Variants in CHN2 observed in about 807,000 individuals in gnomAD.
The protein encoded by CHN2 is beta-chimaerin.
In CHN2, 35 loss-of-function variants were observed where a neutral mutation model predicts 56.3. The observed-to-expected ratio is 0.62, with a 90% confidence interval of 0.47 to 0.82. The LOEUF is 0.82. Ranked by LOEUF, CHN2 falls within the 40% of genes least tolerant of loss-of-function variation. The pLI, the probability that CHN2 is intolerant of heterozygous loss-of-function variation, is 0.00. For synonymous variants in CHN2, 210 were observed against 212.8 expected (o/e 0.99, Z 0.12); for missense variants, 491 against 580.5 (o/e 0.85, Z 1.58).
chr7:29,273,363 A>ATATATATGTG (rs1168370251), intron 1 of CHN2, among the ~76,000 whole-genome samples: 4 of 69,856 alleles, frequency 5.7e-5, no homozygotes, highest in Non-Finnish European at 7.9e-5. Context: ...ATATATATAT[A>ATATATATGTG]TATATATATA....
intron 2 of CHN2, chr7:29,184,527 G>A (rs941315640): frequency 2.6e-5 from 4 of 152,150 alleles, no homozygotes; most frequent in African/African-American, 7.2e-5. Context: ...ACCCCAGGAA[G>A]AGCCAATGTT....
intron 6 of CHN2, among the ~76,000 whole-genome samples, chr7:29,446,860 T>G (rs1175066758): frequency 6.6e-6 from 1 of 152,182 alleles, no homozygotes; most frequent in East Asian, 1.9e-4. Flanking sequence ...GAAAGTCTTA[T>G]CATTCATGGG....
chr7:29,249,380 A>G (rs916237774), intron 1 of CHN2, among the ~76,000 whole-genome samples: 2 of 152,116 alleles, frequency 1.3e-5, no homozygotes, highest in African/African-American at 4.8e-5. Context: ...AGATGGACAC[A>G]TTCACCTTTT....
chr7:29,494,493 A>AAT (rs1316110361), intron 7 of CHN2, among the ~76,000 whole-genome samples: 2 of 152,122 alleles, frequency 1.3e-5, no homozygotes, highest in Non-Finnish European at 2.9e-5. Flanking sequence ...TAGGCCTCTA[A>AAT]GTGAATTATG....
intron 1 of CHN2, among the ~76,000 whole-genome samples, chr7:29,323,658 G>A (rs1047196107): frequency 6.6e-6 from 1 of 152,084 alleles, no homozygotes; most frequent in African/African-American, 2.4e-5. Context: ...GGGGAAGGGT[G>A]GGGTGGCTGG....
intron 1 of CHN2, among the ~76,000 whole-genome samples, chr7:29,249,143 A>G (rs1363617200): frequency 1.3e-5 from 2 of 152,122 alleles, no homozygotes; most frequent in Admixed American, 6.5e-5. Flanking sequence ...GAGAAGCCCC[A>G]TGACAGCCCA....
At chr7:29,370,374 G>A (rs1283512340) in intron 3 of CHN2, among the ~76,000 whole-genome samples, 2 of 152,156 alleles carry the variant, frequency 1.3e-5, no homozygotes, top group African/African-American at 2.4e-5. Flanking sequence ...TTGTGGCCAG[G>A]GAGATTGAAG....
At chr7:29,495,023 A>G (rs1184246978) in intron 7 of CHN2, among the ~76,000 whole-genome samples, 1 of 149,100 alleles carries the variant, frequency 6.7e-6, no homozygotes, top group East Asian at 2.0e-4. Context: ...ATGACTTTGA[A>G]AGGCCTTCTA....
At chr7:29,310,746 C>T (rs898763157) in intron 1 of CHN2, among the ~76,000 whole-genome samples, 10 of 152,158 alleles carry the variant, frequency 6.6e-5, no homozygotes, top group Admixed American at 2.0e-4. Flanking sequence ...TGTGTCCTCA[C>T]ATGGTGGGAG....
At chr7:29,240,798 CTCTTCTTCT>C (rs559491542) in intron 1 of CHN2, among the ~76,000 whole-genome samples, 4 of 133,298 alleles carry the variant, frequency 3.0e-5, no homozygotes, top group African/African-American at 1.1e-4. Context: ...CTTCTTCTTC[CTCTTCTTCT>C]TCTTCTTCTT....
At chr7:29,255,838 A>C (rs1789030145) in intron 1 of CHN2, among the ~76,000 whole-genome samples, 1 of 152,152 alleles carries the variant, frequency 6.6e-6, no homozygotes, top group South Asian at 2.1e-4. Context: ...ACACAGGTAT[A>C]CCTTCTGTAA....
intron 1 of CHN2, among the ~76,000 whole-genome samples, chr7:29,341,979 C>T (rs1797078712): frequency 6.6e-6 from 1 of 152,174 alleles, no homozygotes; most frequent in African/African-American, 2.4e-5. Context: ...CTTCAGGGAC[C>T]TCTGTTCCAT....
At chr7:29,252,975 A>C (rs540024184) in intron 1 of CHN2, among the ~76,000 whole-genome samples, 1 of 152,292 alleles carries the variant, frequency 6.6e-6, no homozygotes, top group South Asian at 2.1e-4. Context: ...CTACAGGACC[A>C]TCCAAACATG....
chr7:29,496,134 T>C (rs1486221736), intron 8 of CHN2, 98 bp downstream of exon 8: 2 of 973,144 alleles, frequency 2.1e-6, no homozygotes, highest in African/African-American at 3.3e-5. Context: ...TCAGATTAGC[T>C]CAAAAGTCTA....
At chr7:29,273,353 A>ATG (rs1450158766) in intron 1 of CHN2, among the ~76,000 whole-genome samples, 18 of 63,370 alleles carry the variant, frequency 2.8e-4, no homozygotes, top group African/African-American at 1.1e-3. Context: ...GTATATATAT[A>ATG]TATATATATA....
chr7:29,252,585 T>TTTTTTTTGTTTTGTTTTG (rs1554378178), intron 1 of CHN2, among the ~76,000 whole-genome samples: 4 of 23,068 alleles, frequency 1.7e-4, no homozygotes, highest in East Asian at 3.6e-3. Context: ...TTTGTTTTTT[T>TTTTTTTTGTTTTGTTTTG]TTTTTTTTTT....
At chr7:29,238,531 G>A (rs1301037446) in intron 1 of CHN2, among the ~76,000 whole-genome samples, 1 of 152,108 alleles carries the variant, frequency 6.6e-6, no homozygotes, top group Non-Finnish European at 1.5e-5. Flanking sequence ...TCTAGGCACC[G>A]AGGGTATGGT....
At chr7:29,411,689 G>T (rs534179414) in intron 6 of CHN2, among the ~76,000 whole-genome samples, 16 of 152,218 alleles carry the variant, frequency 1.1e-4, no homozygotes, top group African/African-American at 3.9e-4. Context: ...GGCTCAATTA[G>T]GCAGGAAGTA....
At chr7:29,358,405 T>A (rs985092605) in intron 2 of CHN2, among the ~76,000 whole-genome samples, 5 of 152,070 alleles carry the variant, frequency 3.3e-5, no homozygotes, top group African/African-American at 4.8e-5. Flanking sequence ...CTAAAAAAAA[T>A]TTTAATTTAA....
Sources: gnomAD v4.1 joint callset for allele counts (sites outside exome capture counted in the v4.1 genomes callset) on GRCh38, gnomAD v4.1.1 for gene constraint, MANE v1.5 for transcripts, NCBI Gene and HGNC (gene_info 2026-07-23, HGNC 2026-07-21) for gene names.